The following CCSER1 variants were observed in gnomAD, a reference collection of about 807,000 sequenced individuals.
The protein encoded by CCSER1 is serine-rich coiled-coil domain-containing protein 1.
Under a neutral mutation model 82.0 loss-of-function variants are expected in CCSER1, and 41 were observed. The ratio of observed to expected loss-of-function variants is 0.50; its 90% CI spans 0.39 to 0.65. CCSER1 has a LOEUF of 0.65. CCSER1 is among the 30% of genes least tolerant of loss of function. The probability of loss-of-function intolerance (pLI) is 0.00; values close to 1 mark genes in which losing one functional copy is unlikely to be tolerated. For missense variants in CCSER1, 1,119 were observed against 1,064.2 expected, an observed-to-expected ratio of 1.05 and a Z score of -0.72; for synonymous variants, 414 against 383.9, an observed-to-expected ratio of 1.08 and a Z score of -0.92.
chr4:90,351,409 G>GT (rs1487521833), intron 3 of CCSER1, among the ~76,000 whole-genome samples: 2 of 152,134 alleles, frequency 1.3e-5, no homozygotes, highest in Non-Finnish European at 2.9e-5. Flanking sequence ...ATGAGAAGCT[G>GT]TAACAAAGCA....
intron 10 of CCSER1, among the ~76,000 whole-genome samples, chr4:91,254,006 T>C (rs149807496): frequency 2.0e-5 from 3 of 152,100 alleles, no homozygotes; most frequent in African/African-American, 4.8e-5. Flanking sequence ...ACCTCCAACA[T>C]TGGGGATTGC....
chr4:91,526,133 T>C (rs1760751982), intron 10 of CCSER1, among the ~76,000 whole-genome samples: 1 of 152,162 alleles, frequency 6.6e-6, no homozygotes, highest in African/African-American at 2.4e-5. Flanking sequence ...GGCACCCTTT[T>C]AAGTCCCATA....
intron 10 of CCSER1, among the ~76,000 whole-genome samples, chr4:91,146,875 T>C (rs1295595476): frequency 1.3e-5 from 2 of 152,154 alleles, no homozygotes; most frequent in Admixed American, 6.5e-5. Context: ...CTGTTTTGCA[T>C]TTCAGTGTGT....
chr4:90,412,610 G>A (rs1360294744), intron 4 of CCSER1, among the ~76,000 whole-genome samples: 2 of 150,060 alleles, frequency 1.3e-5, no homozygotes, highest in Admixed American at 6.6e-5. Flanking sequence ...ACAGATGTAA[G>A]TCAATAAAAG....
chr4:90,815,734 T>G (rs974737536), intron 7 of CCSER1, 28 bp from the exon 8 acceptor site: 2 of 1,518,828 alleles, frequency 1.3e-6, no homozygotes, highest in Non-Finnish European at 8.9e-7. Flanking sequence ...GCTAAGCCTA[T>G]TATGCTGTCT....
chr4:90,994,471 C>T (rs1052534230), intron 9 of CCSER1, among the ~76,000 whole-genome samples: 7 of 151,006 alleles, frequency 4.6e-5, no homozygotes, highest in Non-Finnish European at 1.0e-4. Flanking sequence ...ATGATGCTTT[C>T]ACACATGCTT....
At chr4:90,959,295 C>A (rs369610761) in intron 9 of CCSER1, among the ~76,000 whole-genome samples, 2 of 152,236 alleles carry the variant, frequency 1.3e-5, no homozygotes. Context: ...TTCTATAATA[C>A]GTGTCAATAA....
chr4:90,775,933 T>G (rs1431394596), intron 7 of CCSER1, among the ~76,000 whole-genome samples: 1 of 151,758 alleles, frequency 6.6e-6, no homozygotes, highest in Non-Finnish European at 1.5e-5. Context: ...GAGTTGGTTC[T>G]GTGCTATGAA....
intron 1 of CCSER1, among the ~76,000 whole-genome samples, chr4:90,262,089 T>G (rs1724432207): frequency 6.6e-6 from 1 of 152,110 alleles, no homozygotes; most frequent in South Asian, 2.1e-4. Context: ...GAATTTTTAT[T>G]TGCTATTTCA....
chr4:90,857,725 A>G (rs1764619572), intron 8 of CCSER1, among the ~76,000 whole-genome samples: 1 of 152,110 alleles, frequency 6.6e-6, no homozygotes, highest in African/African-American at 2.4e-5. Context: ...TGGGTCTAAC[A>G]TGAAGAACAA....
chr4:91,496,616 A>AATATATAT lies in CCSER1; in HGVS notation c.2218-101956_2218-101955insATATATAT, dbSNP rs1279142591. The stretch of plus-strand genomic sequence containing the variant: ...AATATATATTTGAATATATATATAC[A>AATATATAT]CGAATATATATTTGAATATATATAT... On this transcript the variant is annotated intron_variant, in intron 10 of 10. Coordinates refer to ENST00000509176, the MANE Select transcript of CCSER1 (RefSeq NM_001145065.2). Among the ~76,000 whole-genome samples, 57 of 21,032 alleles carry AATATATAT rather than the reference A, an allele frequency of 2.7e-3. 16 individuals are homozygous for AATATATAT. Among genetic ancestry groups the AATATATAT allele is most frequent in the Non-Finnish European group, 4.3e-3 (44 of 10,220 alleles). 13.8% of individuals were successfully genotyped at this position (21,032 alleles called of 152,430 possible). A position where few individuals can be genotyped will look rare whatever the true frequency, so the allele number is the denominator to read the frequency against.
At chr4:91,168,479 G>A (rs542471886) in intron 10 of CCSER1, among the ~76,000 whole-genome samples, 23 of 140,410 alleles carry the variant, frequency 1.6e-4, no homozygotes, top group African/African-American at 4.9e-4. Flanking sequence ...CCCAGCAGCC[G>A]CCCCGTCTGG....
chr4:91,475,226 C>G (rs1175113401), intron 10 of CCSER1, among the ~76,000 whole-genome samples: 3 of 151,464 alleles, frequency 2.0e-5, no homozygotes, highest in Non-Finnish European at 3.0e-5. Flanking sequence ...CTTTTATATT[C>G]CTGCATATGG....
intron 10 of CCSER1, among the ~76,000 whole-genome samples, chr4:91,589,876 GAC>G (rs1764182922): frequency 6.6e-6 from 1 of 150,898 alleles, no homozygotes; most frequent in African/African-American, 2.4e-5. Flanking sequence ...GAGAATTACT[GAC>G]ACAGAGTGGG....
intron 1 of CCSER1, among the ~76,000 whole-genome samples, chr4:90,275,837 T>G (rs1244144700): frequency 6.6e-6 from 1 of 152,168 alleles, no homozygotes; most frequent in Non-Finnish European, 1.5e-5. Context: ...ACAAGTGATG[T>G]CAAAATGATC....
Position 91,154,107 on chromosome 4 carries a change from G to A in CCSER1, c.2217+68113G>A, listed in dbSNP as rs537333853. 2.6e-5 allele frequency among the ~76,000 whole-genome samples: 4 copies of A among 152,108 alleles called. No homozygotes were observed. The East Asian group carries it at 5.8e-4, about 22-fold the overall frequency. On this transcript the variant is annotated intron_variant, in intron 10 of 10. Coordinates refer to ENST00000509176, the MANE Select transcript of CCSER1 (RefSeq NM_001145065.2). ...TGTTCAGCTATGCCCTGCCCCCAGA[G>A]GTGGAGTCTACAGAGGCAGGCAGGC...
At chr4:90,386,461 A>G (rs1750072054) in intron 3 of CCSER1, among the ~76,000 whole-genome samples, 1 of 152,114 alleles carries the variant, frequency 6.6e-6, no homozygotes, top group South Asian at 2.1e-4. Flanking sequence ...GAAGAATGAA[A>G]CTGGATCCCT....
intron 10 of CCSER1, among the ~76,000 whole-genome samples, chr4:91,570,671 G>C (rs1763131126): frequency 6.6e-6 from 1 of 152,168 alleles, no homozygotes; most frequent in African/African-American, 2.4e-5. Flanking sequence ...AGGCTGCATA[G>C]AACAGAGTGG....
chr4:90,253,893 C>T (rs1165862388), intron 1 of CCSER1, among the ~76,000 whole-genome samples: 1 of 152,106 alleles, frequency 6.6e-6, no homozygotes, highest in African/African-American at 2.4e-5. Context: ...CATCTGTTAG[C>T]CTTCACTAAT....
Sources: allele counts gnomAD v4.1 joint callset (sites outside exome capture counted in the v4.1 genomes callset), GRCh38; gene constraint gnomAD v4.1.1; transcripts MANE v1.5; gene names NCBI Gene and HGNC (gene_info 2026-07-23, HGNC 2026-07-21).